CDCA5: variants seen among roughly 807,000 people sequenced by gnomAD.
CDCA5 encodes the protein cell division cycle associated 5, also known as sororin.
A neutral mutation model predicts 25.7 loss-of-function variants in CDCA5; 14 were observed. The observed-to-expected ratio is 0.54, with a 90% CI of 0.36 to 0.85. The LOEUF (loss-of-function observed/expected upper bound fraction) is 0.85. Among genes scored for constraint, CDCA5 ranks in the 40% least tolerant of loss-of-function variants. The pLI, the probability that CDCA5 is intolerant of heterozygous loss-of-function variation, is 0.01. For missense variants in CDCA5, 307 were observed against 324.5 expected (o/e 0.95, Z 0.41); for synonymous variants, 127 against 128.7 (o/e 0.99, Z 0.09).
At chr11:65,066,308 C>G (rs1345298103), downstream of CDCA5, 1 of 1,159,328 alleles carries the variant, frequency 8.6e-7, no homozygotes, top group East Asian at 6.4e-5. Context: ...GCTTAGCTTC[C>G]AAGTTTATTT....
At chr11:65,061,678 G>A (rs1947187117), downstream of CDCA5, among the ~76,000 whole-genome samples, 1 of 150,572 alleles carries the variant, frequency 6.6e-6, no homozygotes, top group South Asian at 2.1e-4. Flanking sequence ...TGGAGGCTGA[G>A]GCAGGAGAAT....
At chr11:65,066,339 G>A (rs1339880468), downstream of CDCA5, 7 of 1,172,522 alleles carry the variant, frequency 6.0e-6, no homozygotes, top group Non-Finnish European at 7.5e-6. Flanking sequence ...GGGAGGAGCT[G>A]GCTGAAGGAG....
chr11:65,078,237 G>A lies in CDCA5; in HGVS notation c.*870C>T, dbSNP rs986721619. 2.6e-5 allele frequency: 26 copies of A among 985,330 alleles called. No homozygotes were observed. Among genetic ancestry groups the A allele is most frequent in the Non-Finnish European group, 3.0e-5 (25 of 829,986 alleles). The allele number at this position is 985,330 out of a possible 1,614,324, so 61.0% of individuals were successfully genotyped here. On this transcript the variant is annotated 3_prime_UTR_variant, in exon 6 of 6. Coordinates refer to ENST00000275517, the MANE Select transcript of CDCA5 (RefSeq NM_080668.4). ...CTTATTTTGTAAGAAATGGGTATGGGTGACAAGAGGGGCCACCTTCCACCC... is the reference window on the plus strand; with the variant it reads ...CTTATTTTGTAAGAAATGGGTATGGATGACAAGAGGGGCCACCTTCCACCC...
At position 65,083,560 on chromosome 11, in the gene CDCA5, A is replaced by G; in HGVS notation, c.142-10T>C. Reference sequence around the variant, plus strand: ...CAGCCGCACTGGGTGTCTGGAGAAGAGGGATGAACGTGAGCTCAACATTAG... The same window carrying G: ...CAGCCGCACTGGGTGTCTGGAGAAGGGGGATGAACGTGAGCTCAACATTAG... On this transcript the variant is annotated splice_polypyrimidine_tract_variant and intron_variant, in intron 2 of 5. Coordinates refer to ENST00000275517, the MANE Select transcript of CDCA5 (RefSeq NM_080668.4). 6.2e-7 allele frequency: 1 copy of G among 1,614,156 alleles called. No homozygotes were observed. Among genetic ancestry groups the G allele is most frequent in the Non-Finnish European group, 8.5e-7 (1 of 1,180,008 alleles).
chr11:65,061,655 G>A (rs1947186928), downstream of CDCA5, among the ~76,000 whole-genome samples: 1 of 151,380 alleles, frequency 6.6e-6, no homozygotes, highest in Non-Finnish European at 1.5e-5. Flanking sequence ...GGCACCTGTA[G>A]TCCCAGCTAC....
chr11:65,079,589 G>T lies in CDCA5; in HGVS notation c.442C>A (p.Arg148=). The stretch of plus-strand genomic sequence containing the variant: ...GAGGCAGAGCCCAGGGTCTCCAGCC[G>T]GCTGTAGGAACGCCTGACTTTCTTA... The part of the protein sequence containing the change: ...MSKKVRRSYS[R]LETLGSASTS... Residue 148 remains arginine (R), a synonymous_variant, in exon 5 of 6, where the codon CGG becomes AGG. Coordinates refer to ENST00000275517, the MANE Select transcript of CDCA5 (RefSeq NM_080668.4). The T allele has an allele frequency of 1.9e-6, 3 of 1,613,246 alleles. No individual in the cohort carries two copies. The highest frequency in any genetic ancestry group is 1.3e-5 in the African/African-American group (1 of 74,962).
At chr11:65,080,905 G>T (rs1041469187) in intron 4 of CDCA5, among the ~76,000 whole-genome samples, 4 of 152,202 alleles carry the variant, frequency 2.6e-5, no homozygotes, top group African/African-American at 9.7e-5. Context: ...AGTGCTTGGG[G>T]CAGGTTAGAA....
chr11:65,069,072 T>A (rs1947294389), intron 1 of CDCA5, among the ~76,000 whole-genome samples: 1 of 151,988 alleles, frequency 6.6e-6, no homozygotes, highest in Non-Finnish European at 1.5e-5. Context: ...AGACCCCATC[T>A]CTGCAAAAAA....
chr11:65,062,415 C>T (rs566711), downstream of CDCA5, among the ~76,000 whole-genome samples: 151,967 of 152,242 alleles, frequency 1, 75,847 homozygotes, highest in Middle Eastern at 1. Context: ...GTCTCAGACC[C>T]GGTCCCCTCC....
intron 4 of CDCA5, among the ~76,000 whole-genome samples, chr11:65,081,830 A>G (rs1320100682): frequency 6.6e-6 from 1 of 151,918 alleles, no homozygotes; most frequent in Non-Finnish European, 1.5e-5. Flanking sequence ...ACATCAAAAA[A>G]TTAGCCAGGC....
downstream of CDCA5, among the ~76,000 whole-genome samples, chr11:65,076,254 G>A (rs1199615104): frequency 2.6e-5 from 4 of 151,112 alleles, no homozygotes; most frequent in Admixed American, 2.7e-4. Context: ...TAGCTGGACT[G>A]CAGATATGTG....
chr11:65,065,442 C>A (rs1007220012), downstream of CDCA5, among the ~76,000 whole-genome samples: 2 of 152,030 alleles, frequency 1.3e-5, no homozygotes, highest in Non-Finnish European at 2.9e-5. Context: ...CACGTGCCAC[C>A]ACACCTGGCT....
intron 1 of CDCA5, among the ~76,000 whole-genome samples, chr11:65,071,132 C>T (rs1276787335): frequency 4.0e-5 from 6 of 151,262 alleles, no homozygotes; most frequent in South Asian, 2.1e-4. Flanking sequence ...TTAGTAGAGA[C>T]GGGGTTTCAC....
rs183446376 is a variant in CDCA5, at chr11:65,066,632, C to T, written c.483G>A (p.Gln161=). The T allele has an allele frequency of 3.3e-5, 42 of 1,289,424 alleles. No individual in the cohort carries two copies. In the East Asian group the frequency reaches 2.2e-3, roughly 68 times the overall value. The allele number at this position is 1,289,424 out of a possible 1,614,324, so 79.9% of individuals were successfully genotyped here. A position where few individuals can be genotyped will look rare whatever the true frequency, so the allele number is the denominator to read the frequency against. The stretch of plus-strand genomic sequence containing the variant: ...CATCCTGGATGGCCTGGGCCTCCTC[C>T]TGGATGGCCTGGGCTCCCTCCTTCA... The change falls in exon 6 of 7, where the codon CAG becomes CAA. Residue 161 remains glutamine (Q), a synonymous_variant. Transcript: ENST00000525464.
At chr11:65,076,759 T>A (rs895153450), downstream of CDCA5, among the ~76,000 whole-genome samples, 9 of 152,212 alleles carry the variant, frequency 5.9e-5, no homozygotes, top group Admixed American at 5.2e-4. Flanking sequence ...CTCCCCAGGG[T>A]CCCACAGCAC....
At chr11:65,066,689 G>T in intron 5 of CDCA5, 1 of 1,288,510 alleles carries the variant, frequency 7.8e-7, no homozygotes, top group Non-Finnish European at 1.0e-6. Flanking sequence ...GCTGGACAAA[G>T]GGTTGCAGGG....
chr11:65,078,493 G>A lies in CDCA5; in HGVS notation c.*614C>T. The A allele has an allele frequency of 1.0e-6, 1 of 985,520 alleles. No individual in the cohort carries two copies. Among genetic ancestry groups the A allele is most frequent in the Non-Finnish European group, 1.2e-6 (1 of 829,990 alleles). 61.0% of individuals were successfully genotyped at this position (985,520 alleles called of 1,614,324 possible). ...ACTTATGGTCTGAGACCCAACTAAG[G>A]CTCCCTACATCCTTCAAAACTCAGA... On this transcript the variant is annotated 3_prime_UTR_variant, in exon 6 of 6. Coordinates refer to ENST00000275517, the MANE Select transcript of CDCA5 (RefSeq NM_080668.4).
chr11:65,083,113 G>A (rs1947607706), intron 4 of CDCA5: 2 of 560,488 alleles, frequency 3.6e-6, no homozygotes, highest in Non-Finnish European at 6.4e-6. Flanking sequence ...GCAGTACGTG[G>A]AGTTAAGACA....
downstream of CDCA5, among the ~76,000 whole-genome samples, chr11:65,074,738 C>CAAA (rs141129265): frequency 2.6e-5 from 1 of 38,016 alleles, no homozygotes; most frequent in East Asian, 7.3e-4. Context: ...GACCTTGTCT[C>CAAA]AAAAAAAAAA....
Sources: allele counts gnomAD v4.1 joint callset (sites outside exome capture counted in the v4.1 genomes callset), GRCh38; gene constraint gnomAD v4.1.1; transcripts MANE v1.5; gene names NCBI Gene and HGNC (gene_info 2026-07-23, HGNC 2026-07-21).